The following CCDC18 variants were observed in gnomAD, a reference collection of about 807,000 sequenced individuals.
CCDC18 encodes the protein coiled-coil domain containing 18.
CCDC18 carries 157 observed loss-of-function variants against 196.0 expected under a neutral mutation model. That is an observed-to-expected ratio of 0.80 (90% CI 0.70 to 0.91). The LOEUF (loss-of-function observed/expected upper bound fraction) is 0.91, where lower values mean the gene tolerates loss of function less well. Among genes scored for constraint, CCDC18 ranks in the 40% least tolerant of loss-of-function variants. CCDC18 has a pLI of 0.00. For synonymous variants in CCDC18, 482 were observed against 529.2 expected (o/e 0.91, Z 1.22); for missense variants, 1,465 against 1,611.6 (o/e 0.91, Z 1.56).
At chr1:93,223,552 TCAGTTTAAAGTTGTATCACTAAGC>T (rs929739853) in intron 16 of CCDC18, among the ~76,000 whole-genome samples, 3 of 152,178 alleles carry the variant, frequency 2.0e-5, no homozygotes, top group Admixed American at 6.6e-5. Context: ...GTTATAAGGG[TCAGTTTAAAGTTGTATCACTAAGC>T]TAAAAGGTTG....
intron 25 of CCDC18, among the ~76,000 whole-genome samples, chr1:93,257,771 T>C (rs1663209262): frequency 6.6e-6 from 1 of 152,132 alleles, no homozygotes; most frequent in Admixed American, 6.5e-5. Context: ...TGGTTTTTAT[T>C]TGATAAGCTA....
chr1:93,184,931 A>T (rs1345171902), intron 3 of CCDC18, among the ~76,000 whole-genome samples: 2 of 151,958 alleles, frequency 1.3e-5, no homozygotes, highest in Non-Finnish European at 2.9e-5. Flanking sequence ...TCCTCATTCA[A>T]ATTGCTGATC....
intron 3 of CCDC18, 132 bp from the exon 4 acceptor site, chr1:93,186,213 C>T: frequency 4.0e-6 from 3 of 759,016 alleles, no homozygotes; most frequent in Non-Finnish European, 6.6e-6. Flanking sequence ...TGTCAATACT[C>T]ACTAAGTATT....
intron 6 of CCDC18, among the ~76,000 whole-genome samples, chr1:93,196,274 A>G (rs780189112): frequency 8.5e-5 from 13 of 152,230 alleles, no homozygotes; most frequent in Admixed American, 2.0e-4. Flanking sequence ...CAGTGAGCCA[A>G]GATTGTGCCA....
intron 17 of CCDC18, among the ~76,000 whole-genome samples, chr1:93,230,020 C>T (rs906832499): frequency 6.6e-6 from 1 of 151,326 alleles, no homozygotes; most frequent in Non-Finnish European, 1.5e-5. Context: ...TTTTAAGCAA[C>T]AATTATGAGA....
chr1:93,266,030 CCA>C (rs1222549379), intron 27 of CCDC18, among the ~76,000 whole-genome samples: 1 of 152,156 alleles, frequency 6.6e-6, no homozygotes, highest in Non-Finnish European at 1.5e-5. Context: ...CCAAAATTGA[CCA>C]CATAGTTGGA....
At position 93,221,704 on chromosome 1, in the gene CCDC18, T is replaced by C; in HGVS notation, c.2058T>C (p.His686=). 2 of 1,598,252 alleles carry C rather than the reference T, an allele frequency of 1.3e-6. No homozygotes were observed. Among genetic ancestry groups the C allele is most frequent in the African/African-American group, 1.4e-5 (1 of 73,908 alleles). ...AAGATATAATATGCAAACAACATCA[T>C]CTTGAATCACTAGATAGACTCTTGA... The part of the protein sequence containing the change: ...LQQDIICKQH[H]LESLDRLLTE... The change falls in exon 15 of 29, where the codon CAT becomes CAC. Residue 686 remains histidine, a synonymous_variant. Coordinates refer to ENST00000690025, the MANE Select transcript of CCDC18 (RefSeq NM_001378204.1).
intron 16 of CCDC18, among the ~76,000 whole-genome samples, chr1:93,222,796 C>A (rs1186581085): frequency 6.6e-6 from 1 of 152,172 alleles, no homozygotes; most frequent in East Asian, 1.9e-4. Context: ...TAACTAACTG[C>A]TATATATTTA....
intron 4 of CCDC18, among the ~76,000 whole-genome samples, chr1:93,187,283 GATATA>G (rs553674371): frequency 5.9e-4 from 89 of 152,092 alleles, no homozygotes; most frequent in African/African-American, 1.9e-3. Context: ...AGGTTTAAAT[GATATA>G]ATATATGTAG....
intron 16 of CCDC18, among the ~76,000 whole-genome samples, chr1:93,223,549 G>A (rs1012146997): frequency 1.3e-5 from 2 of 152,096 alleles, no homozygotes; most frequent in Non-Finnish European, 2.9e-5. Context: ...AAAGTTATAA[G>A]GGTCAGTTTA....
rs757086966 is a variant in CCDC18, at chr1:93,214,977, A to C, written c.1719+11A>C. 1.9e-6 allele frequency: 3 copies of C among 1,550,054 alleles called. No homozygotes were observed. On this transcript the variant is annotated intron_variant, in intron 12 of 28. Coordinates refer to ENST00000690025, the MANE Select transcript of CCDC18 (RefSeq NM_001378204.1). ...AAACTGGAAAGTGAAGTAAGCTTGG[A>C]ATTAGCTTGGTATATATGTTAATTT...
intron 8 of CCDC18, 29 bp from the exon 9 acceptor site, chr1:93,207,078 T>C (rs758679241): frequency 8.1e-7 from 1 of 1,241,272 alleles, no homozygotes; most frequent in Non-Finnish European, 1.1e-6. Flanking sequence ...ATATATTTTA[T>C]TTTCATTTTT....
At chr1:93,205,091 C>G (rs1654514133) in intron 7 of CCDC18, among the ~76,000 whole-genome samples, 1 of 152,104 alleles carries the variant, frequency 6.6e-6, no homozygotes, top group Non-Finnish European at 1.5e-5. Flanking sequence ...CAGATCTACC[C>G]AATCTTCTCC....
intron 18 of CCDC18, among the ~76,000 whole-genome samples, chr1:93,235,905 C>T (rs1310660137): frequency 6.6e-6 from 1 of 152,018 alleles, no homozygotes; most frequent in Non-Finnish European, 1.5e-5. Flanking sequence ...ATCTAGGAAT[C>T]TATTGAGTGA....
At chr1:93,271,006 GGAAA>G in intron 28 of CCDC18, 192 bp downstream of exon 28, 1 of 983,554 alleles carries the variant, frequency 1.0e-6, no homozygotes, top group Non-Finnish European at 1.2e-6. Flanking sequence ...GACAATACGG[GGAAA>G]GAGAGAGGCA....
intron 10 of CCDC18, among the ~76,000 whole-genome samples, chr1:93,211,789 A>G (rs1346146852): frequency 6.6e-6 from 1 of 152,138 alleles, no homozygotes. Flanking sequence ...CAGTGCTGCA[A>G]AGGACATCCT....
At chr1:93,214,575 C>T (rs531212924) in intron 11 of CCDC18, among the ~76,000 whole-genome samples, 168 bp from the exon 12 acceptor site, 65 of 152,218 alleles carry the variant, frequency 4.3e-4, no homozygotes, top group Non-Finnish European at 8.4e-4. Flanking sequence ...ATTTAGAGAG[C>T]ACATTACTTA....
At chr1:93,187,859 A>G (rs1399962300) in intron 4 of CCDC18, among the ~76,000 whole-genome samples, 1 of 151,970 alleles carries the variant, frequency 6.6e-6, no homozygotes, top group Non-Finnish European at 1.5e-5. Context: ...GTTTTTCTTG[A>G]TTTCTTACAA....
In CCDC18 at chr1:93,232,609, C is replaced by T; in HGVS notation, c.2460+16C>T. 6.6e-7 allele frequency: 1 copy of T among 1,509,722 alleles called. No individual in the cohort carries two copies. The highest frequency in any genetic ancestry group is 9.0e-7 in the Non-Finnish European group (1 of 1,111,884). The allele number at this position is 1,509,722 out of a possible 1,614,324, so 93.5% of individuals were successfully genotyped here. On this transcript the variant is annotated intron_variant, in intron 18 of 28. Transcript: ENST00000690025. ...TGAAAAACAGGTATATATTATTAGC[C>T]CAAGATTGTTTTATTTGTATGAAAT...
Sources: gnomAD v4.1 joint callset for allele counts (sites outside exome capture counted in the v4.1 genomes callset) on GRCh38, gnomAD v4.1.1 for gene constraint, MANE v1.5 for transcripts, NCBI Gene and HGNC (gene_info 2026-07-23, HGNC 2026-07-21) for gene names.